TEKT5: variants seen among roughly 807,000 people sequenced by gnomAD.
TEKT5 encodes the protein tektin-5.
In TEKT5, 52 loss-of-function variants were observed where a neutral mutation model predicts 48.7. The ratio of observed to expected loss-of-function variants is 1.07; its 90% confidence interval spans 0.86 to 1.35. The LOEUF (loss-of-function observed/expected upper bound fraction) is 1.35. TEKT5 is among the 40% of genes most tolerant of loss of function. TEKT5 has a pLI of 0.00. For missense variants in TEKT5, 831 were observed against 641.6 expected (o/e 1.30, Z -3.19); for synonymous variants, 318 against 267.6 (o/e 1.19, Z -1.84).
At chr16:10,662,007 C>T (rs780391048) in intron 5 of TEKT5, among the ~76,000 whole-genome samples, 1 of 152,194 alleles carries the variant, frequency 6.6e-6, no homozygotes, top group Non-Finnish European at 1.5e-5. Context: ...AGCCATCTAC[C>T]TATCTACTAT....
At chr16:10,690,580 C>A (rs991960245) in intron 1 of TEKT5, 6 of 985,408 alleles carry the variant, frequency 6.1e-6, no homozygotes, top group Non-Finnish European at 7.2e-6. Flanking sequence ...ACTGAGAACA[C>A]TGCCCCTAAA....
chr16:10,659,292 A>G (rs1023409811), intron 5 of TEKT5, among the ~76,000 whole-genome samples: 2 of 152,382 alleles, frequency 1.3e-5, no homozygotes, highest in South Asian at 4.1e-4. Context: ...AATATGTACA[A>G]CTATTATGTC....
At chr16:10,636,545 G>C (rs1232316420) in intron 5 of TEKT5, among the ~76,000 whole-genome samples, 1 of 152,042 alleles carries the variant, frequency 6.6e-6, no homozygotes, top group African/African-American at 2.4e-5. Context: ...GCAAAGTAAG[G>C]GAGTGAGGGA....
intron 5 of TEKT5, among the ~76,000 whole-genome samples, chr16:10,672,659 C>A (rs2719701): frequency 0.41 from 62,422 of 151,748 alleles, 14,179 homozygotes; most frequent in East Asian, 0.64. Context: ...GAGTACCAGG[C>A]AGTTATTAAG....
chr16:10,663,375 T>C (rs1567231098), intron 5 of TEKT5, among the ~76,000 whole-genome samples: 1 of 152,210 alleles, frequency 6.6e-6, no homozygotes, highest in African/African-American at 2.4e-5. Flanking sequence ...AGCTTTAGGC[T>C]TCTGGATGTT....
chr16:10,649,867 G>A (rs1296297651), intron 5 of TEKT5, among the ~76,000 whole-genome samples: 2 of 152,190 alleles, frequency 1.3e-5, no homozygotes, highest in Non-Finnish European at 2.9e-5. Context: ...ATGCAGGTGA[G>A]AGAGAATTGA....
intron 3 of TEKT5, among the ~76,000 whole-genome samples, chr16:10,685,097 C>T (rs1596419009): frequency 6.6e-6 from 1 of 152,358 alleles, no homozygotes; most frequent in East Asian, 1.9e-4. Context: ...AGTCATCTGA[C>T]ACACAGCCAC....
At chr16:10,645,617 A>G (rs953196874) in intron 5 of TEKT5, among the ~76,000 whole-genome samples, 1 of 152,178 alleles carries the variant, frequency 6.6e-6, no homozygotes, top group African/African-American at 2.4e-5. Flanking sequence ...AGCCTGGCCA[A>G]CATGGTAAAA....
chr16:10,628,772 G>C (rs1162513539), intron 6 of TEKT5, among the ~76,000 whole-genome samples: 1 of 152,028 alleles, frequency 6.6e-6, no homozygotes, highest in African/African-American at 2.4e-5. Flanking sequence ...CAGGCATGAT[G>C]GTGGGTGCCT....
At chr16:10,661,011 T>C (rs1333431250) in intron 5 of TEKT5, among the ~76,000 whole-genome samples, 6 of 152,164 alleles carry the variant, frequency 3.9e-5, no homozygotes, top group African/African-American at 1.4e-4. Flanking sequence ...TGTTTTGTTT[T>C]TTCTTCTTCA....
intron 5 of TEKT5, among the ~76,000 whole-genome samples, chr16:10,671,212 CCT>C (rs1388472569): frequency 6.6e-6 from 1 of 152,116 alleles, no homozygotes; most frequent in African/African-American, 2.4e-5. Flanking sequence ...AATTCTTATC[CCT>C]GTTTCACAGG....
rs1897776201 is a variant in TEKT5 at position 10,627,821 on chromosome 16, A to C, written c.1242-22T>G. 3 of 1,602,314 alleles carry C rather than the reference A, an allele frequency of 1.9e-6. No homozygotes were observed. In the South Asian group the frequency reaches 3.3e-5, roughly 18 times the overall value. On this transcript the variant is annotated intron_variant, in intron 6 of 6. Coordinates refer to ENST00000283025, the MANE Select transcript of TEKT5 (RefSeq NM_144674.2). ...CAGCCTGGGGTGAGGGCAGAGGAGA[A>C]GGCACAGGTTATTCATTTATTTTTA...
chr16:10,689,163 A>G (rs1596421799), intron 3 of TEKT5, 90 bp downstream of exon 3: 1 of 995,312 alleles, frequency 1.0e-6, no homozygotes, highest in East Asian at 2.5e-5. Context: ...ACCCAGAGAC[A>G]AGTGGGCCCA....
intron 5 of TEKT5, among the ~76,000 whole-genome samples, chr16:10,665,718 T>A (rs1898445200): frequency 6.6e-6 from 1 of 152,174 alleles, no homozygotes; most frequent in South Asian, 2.1e-4. Context: ...GCTGGGTCCA[T>A]CCAGGCACAC....
At chr16:10,642,504 CCCCT>C (rs1355516155) in intron 5 of TEKT5, among the ~76,000 whole-genome samples, 6 of 152,126 alleles carry the variant, frequency 3.9e-5, no homozygotes, top group African/African-American at 1.4e-4. Context: ...CACGTTTCTC[CCCCT>C]CCCTCCCTCC....
At chr16:10,668,420 C>T (rs1232299111) in intron 5 of TEKT5, among the ~76,000 whole-genome samples, 2 of 152,208 alleles carry the variant, frequency 1.3e-5, no homozygotes, top group South Asian at 2.1e-4. Context: ...CTCCACTTCC[C>T]CAGGGCTGGG....
In TEKT5 at chr16:10,627,809, G is replaced by C; in HGVS notation, c.1242-10C>G. On this transcript the variant is annotated splice_polypyrimidine_tract_variant and intron_variant, in intron 6 of 6. Transcript: ENST00000283025. ...CACCTCGTTCACCAGCCTGGGGTGA[G>C]GGCAGAGGAGAAGGCACAGGTTATT... The C allele has an allele frequency of 6.2e-7, 1 of 1,612,454 alleles. No individual in the cohort carries two copies. The highest frequency in any genetic ancestry group is 1.3e-5 in the African/African-American group (1 of 75,034).
In TEKT5 at chr16:10,677,611, C is replaced by G. The variant is rs117891888; in HGVS notation, c.864-1430G>C. 5.2e-3 allele frequency among the ~76,000 whole-genome samples: 752 copies of G among 145,934 alleles called. 18 individuals are homozygous for G. Among genetic ancestry groups the G allele is most frequent in the Non-Finnish European group, 5.7e-3 (384 of 67,806 alleles). ...GCAACAGAGTAAGACCCTGTCCCCCCCAACAAAAAAATAAAAAGAAAATGC... is the reference window on the plus strand; with the variant it reads ...GCAACAGAGTAAGACCCTGTCCCCCGCAACAAAAAAATAAAAAGAAAATGC... On this transcript the variant is annotated intron_variant, in intron 4 of 6. Coordinates refer to ENST00000283025, the MANE Select transcript of TEKT5 (RefSeq NM_144674.2).
intron 5 of TEKT5, among the ~76,000 whole-genome samples, chr16:10,663,621 C>A (rs1311769261): frequency 6.6e-6 from 1 of 152,132 alleles, no homozygotes; most frequent in African/African-American, 2.4e-5. Flanking sequence ...GCATGAACGC[C>A]CCAGAGCTGG....
Sources: gnomAD v4.1 joint callset for allele counts (sites outside exome capture counted in the v4.1 genomes callset) on GRCh38, gnomAD v4.1.1 for gene constraint, MANE v1.5 for transcripts, NCBI Gene and HGNC (gene_info 2026-07-23, HGNC 2026-07-21) for gene names.